XRCC3: variants seen among roughly 807,000 people sequenced by gnomAD.
The protein encoded by XRCC3 is X-ray repair cross complementing 3.
XRCC3 carries 34 observed loss-of-function variants against 29.2 expected under a neutral mutation model. That is an observed-to-expected ratio of 1.16 (90% CI 0.88 to 1.55). The LOEUF is 1.55. Among genes scored for constraint, XRCC3 ranks in the 40% most tolerant of loss-of-function variants. The pLI is 0.00. For synonymous variants in XRCC3, 223 were observed against 211.3 expected, an observed-to-expected ratio of 1.06 and a Z score of -0.48; for missense variants, 463 against 467.6, an observed-to-expected ratio of 0.99 and a Z score of 0.09.
At chr14:103,701,110 G>A (rs1290248416) in intron 7 of XRCC3, 3 of 1,474,318 alleles carry the variant, frequency 2.0e-6, no homozygotes, top group African/African-American at 2.8e-5. Flanking sequence ...ACTTGGGGTG[G>A]GGGTTCCCCA....
Position 103,699,167 on chromosome 14 carries a change from T to A in XRCC3, c.787A>T (p.Met263Leu), listed in dbSNP as rs145063633. 13 of 1,567,550 alleles carry A rather than the reference T, an allele frequency of 8.3e-6. No homozygotes were observed. Among genetic ancestry groups the A allele is most frequent in the Non-Finnish European group, 1.1e-5 (13 of 1,159,570 alleles). Residue 263 changes from methionine (M) to leucine (L), a missense_variant, in exon 9 of 10, where the codon ATG (methionine) becomes TTG (leucine). Physicochemically the swap from Met to Leu is conservative, Grantham distance 15. Transcript: ENST00000555055. ...CCGTGTGCTGCGCCCTGCTCCTCCA[T>A]GGCCTCTGTCACCTGGAAGAGCACA... ...VLCINQVTEA[M>L]EEQGAAHGPL... is the part of the protein sequence containing the mutation.
Position 103,708,612 on chromosome 14 carries a change from A to T in XRCC3, c.103T>A (p.Leu35Met). The change falls in exon 5 of 10, where the codon TTG becomes ATG. Residue 35 changes from leucine (L) to methionine (M), a missense_variant. Physicochemically the swap from Leu to Met is conservative, Grantham distance 15. Transcript: ENST00000555055. ...CTGGAGAGGTTGGTCAGTCTCTTCA[A>T]GTCTGGTCCAGAAAAGTGTAAAACC... ...KEVLHFSGPD[L>M]KRLTNLSSPE... 6.2e-7 allele frequency: 1 copy of T among 1,614,224 alleles called. No individual in the cohort carries two copies. The highest frequency in any genetic ancestry group is 1.7e-5 in the Admixed American group (1 of 60,024).
At chr14:103,699,645 G>A in intron 7 of XRCC3, 69 bp from the exon 8 acceptor site, 4 of 1,523,358 alleles carry the variant, frequency 2.6e-6, no homozygotes, top group Non-Finnish European at 3.6e-6. Context: ...GACCCCGTTT[G>A]GACTGTCACT....
Position 103,698,425 on chromosome 14 carries a change from C to A in XRCC3, c.*373G>T. 1 of 328,812 alleles carries A rather than the reference C, an allele frequency of 3.0e-6. No individual in the cohort carries two copies. Among genetic ancestry groups the A allele is most frequent in the South Asian group, 2.6e-5 (1 of 37,958 alleles). 20.4% of individuals were successfully genotyped at this position (328,812 alleles called of 1,614,324 possible). A position where few individuals can be genotyped will look rare whatever the true frequency, so the allele number is the denominator to read the frequency against. On this transcript the variant is annotated 3_prime_UTR_variant, in exon 10 of 10. Coordinates refer to ENST00000555055, the MANE Select transcript of XRCC3 (RefSeq NM_005432.4). Reference sequence around the variant, plus strand: ...CTGAGGCCCCAGCCCAGGGGGCAGGCCTCAGACGCAACCCCAGTTGGGCTT... The same window carrying A: ...CTGAGGCCCCAGCCCAGGGGGCAGGACTCAGACGCAACCCCAGTTGGGCTT...
chr14:103,704,267 G>C (rs1171550272), intron 6 of XRCC3: 1 of 152,332 alleles, frequency 6.6e-6, no homozygotes, highest in African/African-American at 2.4e-5. Context: ...GTAGGGAAAG[G>C]GGAGGCAGGC....
At chr14:103,700,007 C>G in intron 7 of XRCC3, 1 of 284,908 alleles carries the variant, frequency 3.5e-6, no homozygotes, top group Non-Finnish European at 6.9e-6. Context: ...CCACCCAAAC[C>G]TGGCCACAGT....
chr14:103,702,851 A>G (rs1422523799), intron 7 of XRCC3: 1 of 387,542 alleles, frequency 2.6e-6, no homozygotes, highest in Middle Eastern at 8.1e-4. Context: ...TGCTCTCCGT[A>G]TCCAGTCGCC....
At chr14:103,700,983 C>T (rs1202256830) in intron 7 of XRCC3, among the ~76,000 whole-genome samples, 6 of 152,204 alleles carry the variant, frequency 3.9e-5, no homozygotes, top group Non-Finnish European at 5.9e-5. Flanking sequence ...TGGCTTCCCC[C>T]GTGCCAGACG....
chr14:103,708,665 A>G lies in XRCC3; in HGVS notation c.56-6T>C. ...CTTTACCGATTTCAGTTTGGCTGAA[A>G]TAACACAGATAAATTACAGGAAAAT... On this transcript the variant is annotated splice_region_variant and splice_polypyrimidine_tract_variant and intron_variant, in intron 4 of 9. Transcript: ENST00000555055. 6.2e-7 allele frequency: 1 copy of G among 1,614,144 alleles called. No individual in the cohort carries two copies. The highest frequency in any genetic ancestry group is 8.5e-7 in the Non-Finnish European group (1 of 1,180,018).
intron 2 of XRCC3, chr14:103,712,348 G>T (rs1019198320): frequency 2.6e-5 from 4 of 154,510 alleles, no homozygotes; most frequent in African/African-American, 2.4e-5. Flanking sequence ...GCAGGCCAAG[G>T]CAGGGCGGTG....
chr14:103,708,359 T>A (rs115217262), intron 5 of XRCC3, 163 bp downstream of exon 5: 1 of 1,043,028 alleles, frequency 9.6e-7, no homozygotes, highest in Non-Finnish European at 1.4e-6. Context: ...CACAGCCCCA[T>A]GGGTGTAGGA....
At chr14:103,700,447 C>T (rs2083076400) in intron 7 of XRCC3, 1 of 483,574 alleles carries the variant, frequency 2.1e-6, no homozygotes, top group African/African-American at 2.0e-5. Flanking sequence ...GGGAGGGTGA[C>T]ACAGCTGCTC....
chr14:103,707,231 A>G lies in XRCC3; in HGVS notation c.194-16T>C, dbSNP rs1324021003. 14 of 1,548,178 alleles carry G rather than the reference A, an allele frequency of 9.0e-6. No homozygotes were observed. Among genetic ancestry groups the G allele is most frequent in the Non-Finnish European group, 1.2e-5 (14 of 1,146,610 alleles). ...AGCTGCAGTGCTAAAGGGCAGGGAT[A>G]GTGTCAGGCCTGACTCTCCTGGGCC... On this transcript the variant is annotated splice_polypyrimidine_tract_variant and intron_variant, in intron 5 of 9. Transcript: ENST00000555055.
rs3212114 is a variant in XRCC3 at position 103,699,259 on chromosome 14, C to T, written c.775-80G>A. On this transcript the variant is annotated intron_variant, in intron 8 of 9. Transcript: ENST00000555055. ...AGGCACAGGCTGCTACCCGCAGGAG[C>T]CGGAGGCCACCTCACTGCCACCCGC... 1,506 of 1,539,546 alleles carry T rather than the reference C, an allele frequency of 9.8e-4. 13 individuals carry two copies. In the African/African-American group the frequency reaches 0.017, roughly 18 times the overall value.
At position 103,702,853 on chromosome 14, in the gene XRCC3, C is replaced by T. The variant is rs981338089; in HGVS notation, c.561+320G>A. On this transcript the variant is annotated intron_variant, in intron 7 of 9. Coordinates refer to ENST00000555055, the MANE Select transcript of XRCC3 (RefSeq NM_005432.4). Reference sequence around the variant, plus strand: ...GTAGCAGGACCCCTGCTCTCCGTATCCAGTCGCCCTCAGTAGCTGACTGGT... The same window carrying T: ...GTAGCAGGACCCCTGCTCTCCGTATTCAGTCGCCCTCAGTAGCTGACTGGT... 4 of 394,336 alleles carry T rather than the reference C, an allele frequency of 1.0e-5. No individual in the cohort carries two copies. In the Admixed American group the frequency reaches 1.5e-4, roughly 14 times the overall value. The allele number at this position is 394,336 out of a possible 1,614,324, so 24.4% of individuals were successfully genotyped here.
intron 5 of XRCC3, 192 bp from the exon 6 acceptor site, chr14:103,707,407 G>A: frequency 2.9e-6 from 2 of 695,442 alleles, no homozygotes; most frequent in East Asian, 5.4e-5. Flanking sequence ...GTGCACCTGA[G>A]ATGCAGAGTC....
intron 4 of XRCC3, 87 bp downstream of exon 4, chr14:103,710,946 G>A: frequency 7.1e-7 from 1 of 1,401,198 alleles, no homozygotes; most frequent in Admixed American, 1.7e-5. Context: ...AGGAAGGAAG[G>A]CTTAGCCAGC....
Position 103,708,551 on chromosome 14 carries a change from A to G in XRCC3, c.164T>C (p.Leu55Ser). 1 of 1,614,048 alleles carries G rather than the reference A, an allele frequency of 6.2e-7. No homozygotes were observed. Among genetic ancestry groups the G allele is most frequent in the Non-Finnish European group, 8.5e-7 (1 of 1,180,004 alleles). ...AAGGATGCTGCTTCCCCGCAAGTGTAAGGAGGCCGTTCTCAGCAAGTGCCA... is the reference window on the plus strand; with the variant it reads ...AAGGATGCTGCTTCCCCGCAAGTGTGAGGAGGCCGTTCTCAGCAAGTGCCA... ...EVWHLLRTAS[L>S]HLRGSSILTA... Residue 55 changes from leucine to serine, a missense_variant, in exon 5 of 10, where the codon TTA (leucine) becomes TCA (serine). Leu to Ser is a moderately radical substitution (Grantham distance 145). Transcript: ENST00000555055.
chr14:103,703,016 C>G, intron 7 of XRCC3, 157 bp downstream of exon 7: 1 of 1,164,296 alleles, frequency 8.6e-7, no homozygotes, highest in South Asian at 1.5e-5. Flanking sequence ...CCCACCTGCT[C>G]CTCGGGCGTA....
Sources: gnomAD v4.1 joint callset for allele counts (sites outside exome capture counted in the v4.1 genomes callset) on GRCh38, gnomAD v4.1.1 for gene constraint, MANE v1.5 for transcripts, NCBI Gene and HGNC (gene_info 2026-07-23, HGNC 2026-07-21) for gene names.